Variants in FRMD3 observed in about 807,000 individuals in gnomAD.
FRMD3 encodes the protein FERM domain containing 3, also known as FERM domain-containing protein 3.
Under a neutral mutation model 70.2 loss-of-function variants are expected in FRMD3, and 33 were observed. The ratio of observed to expected loss-of-function variants is 0.47; its 90% CI spans 0.36 to 0.63. FRMD3 has a LOEUF of 0.63. FRMD3 is among the 20% of genes least tolerant of loss of function. FRMD3 has a pLI of 0.00. For synonymous variants in FRMD3, 279 were observed against 255.9 expected, an observed-to-expected ratio of 1.09 and a Z score of -0.86; for missense variants, 632 against 711.4, an observed-to-expected ratio of 0.89 and a Z score of 1.27.
rs112512395 is a variant in FRMD3 at position 83,307,830 on chromosome 9, A to AT, written c.926+1705dup. Among the ~76,000 whole-genome samples, 6 of 152,280 alleles carry AT rather than the reference A, an allele frequency of 3.9e-5. No individual in the cohort carries two copies. The East Asian group carries it at 5.8e-4, about 15-fold the overall frequency. ...TGTAAATTAGATTTCCATTTAAAAA[A>AT]TTTTTTTTAAAACAAAATAAAAAAT... On this transcript the variant is annotated intron_variant, in intron 10 of 13. Coordinates refer to ENST00000304195, the MANE Select transcript of FRMD3 (RefSeq NM_174938.6).
chr9:83,528,225 A>C (rs1352144191), intron 1 of FRMD3, among the ~76,000 whole-genome samples: 1 of 152,176 alleles, frequency 6.6e-6, no homozygotes, highest in Admixed American at 6.5e-5. Flanking sequence ...GAGCAAGTGA[A>C]ATTAGAAAAT....
At chr9:83,274,360 G>A (rs928754531) in intron 13 of FRMD3, among the ~76,000 whole-genome samples, 11 of 148,502 alleles carry the variant, frequency 7.4e-5, no homozygotes, top group Non-Finnish European at 1.5e-4. Context: ...GCACCACTTA[G>A]GCCAGACATT....
the FRMD3 span, among the ~76,000 whole-genome samples, chr9:83,561,459 G>A: frequency 5.3e-5 from 8 of 152,198 alleles, no homozygotes; most frequent in Non-Finnish European, 2.9e-5. Flanking sequence ...AAATGAAAGT[G>A]TATTGGTCAG....
intron 1 of FRMD3, among the ~76,000 whole-genome samples, chr9:83,471,457 A>G (rs1445759245): frequency 6.6e-6 from 1 of 152,136 alleles, no homozygotes; most frequent in Non-Finnish European, 1.5e-5. Flanking sequence ...TATCATTCAC[A>G]AGGGAAGGGC....
chr9:83,585,761 G>C, the FRMD3 span, among the ~76,000 whole-genome samples: 1 of 152,122 alleles, frequency 6.6e-6, no homozygotes, highest in Non-Finnish European at 1.5e-5. Flanking sequence ...CTAAGCTATT[G>C]TTATTTTTTG....
At chr9:83,372,844 G>T in intron 3 of FRMD3, 69 bp downstream of exon 3, 1 of 1,388,070 alleles carries the variant, frequency 7.2e-7, no homozygotes, top group Non-Finnish European at 1.0e-6. Flanking sequence ...GCAGGAGAAA[G>T]TTTGTCAGGG....
intron 13 of FRMD3, among the ~76,000 whole-genome samples, chr9:83,265,271 G>T (rs933932593): frequency 1.3e-5 from 2 of 151,904 alleles, no homozygotes; most frequent in South Asian, 2.1e-4. Flanking sequence ...GTGGTGGCAG[G>T]CGCCTGTAAT....
chr9:83,409,227 A>G (rs1826211559), intron 1 of FRMD3, among the ~76,000 whole-genome samples: 1 of 152,176 alleles, frequency 6.6e-6, no homozygotes, highest in Admixed American at 6.5e-5. Flanking sequence ...CAAACTCAGG[A>G]CAAGAAGGAA....
intron 1 of FRMD3, among the ~76,000 whole-genome samples, chr9:83,455,538 A>C (rs77956676): frequency 6.6e-6 from 1 of 152,166 alleles, no homozygotes; most frequent in African/African-American, 2.4e-5. Context: ...TGCCTCCCGC[A>C]ATGATTCTGA....
intron 5 of FRMD3, among the ~76,000 whole-genome samples, chr9:83,338,613 G>A (rs986605846): frequency 6.6e-6 from 1 of 152,124 alleles, no homozygotes; most frequent in Non-Finnish European, 1.5e-5. Flanking sequence ...CTGAGCGTAA[G>A]AAGGAGGGAA....
chr9:83,385,910 C>T (rs79203970), intron 2 of FRMD3, among the ~76,000 whole-genome samples: 3,285 of 152,172 alleles, frequency 0.022, 57 homozygotes, highest in Middle Eastern at 0.031. Context: ...TTCTTATAAA[C>T]ATTTCTAGGT....
intron 13 of FRMD3, chr9:83,276,458 G>A (rs1011127689): frequency 3.3e-5 from 5 of 152,192 alleles, no homozygotes; most frequent in African/African-American, 1.2e-4. Flanking sequence ...CTTTGCAGAT[G>A]GTATTAAGAA....
At chr9:83,580,947 G>A in the FRMD3 span, among the ~76,000 whole-genome samples, 1 of 151,844 alleles carries the variant, frequency 6.6e-6, no homozygotes, top group African/African-American at 2.4e-5. Flanking sequence ...AGAAAACAAA[G>A]CATAATGGAA....
chr9:83,357,245 ACATATATATATATATATATATAT>A (rs1824404930), intron 3 of FRMD3, among the ~76,000 whole-genome samples: 22 of 6,496 alleles, frequency 3.4e-3, no homozygotes, highest in East Asian at 0.026. Context: ...TATAATACAT[ACATATATATATATATATATATAT>A]ATATATATAT....
At chr9:83,459,308 T>C (rs1032515762) in intron 1 of FRMD3, among the ~76,000 whole-genome samples, 1 of 152,176 alleles carries the variant, frequency 6.6e-6, no homozygotes, top group Non-Finnish European at 1.5e-5. Flanking sequence ...TCCAACTTCC[T>C]AGCCCGGCCT....
the FRMD3 span, among the ~76,000 whole-genome samples, chr9:83,557,192 GTCT>G: frequency 1.3e-5 from 2 of 152,178 alleles, no homozygotes; most frequent in Non-Finnish European, 2.9e-5. Flanking sequence ...CTGCTGATAA[GTCT>G]TCTCTTCCAA....
At chr9:83,422,031 C>A (rs1374134227) in intron 1 of FRMD3, among the ~76,000 whole-genome samples, 1 of 152,134 alleles carries the variant, frequency 6.6e-6, no homozygotes. Context: ...TCAAGACCAG[C>A]CTGGCCAACG....
At chr9:83,260,234 T>C (rs1323785) in intron 13 of FRMD3, among the ~76,000 whole-genome samples, 24,031 of 152,152 alleles carry the variant, frequency 0.16, 1,970 homozygotes, top group African/African-American at 0.19. Context: ...TATATGAGCA[T>C]GTGATATTCA....
intron 1 of FRMD3, among the ~76,000 whole-genome samples, chr9:83,436,435 T>C (rs1490310952): frequency 1.3e-5 from 2 of 150,020 alleles, no homozygotes; most frequent in Non-Finnish European, 3.0e-5. Context: ...ACATTTTTCC[T>C]TTGCCAAATT....
Sources: gnomAD v4.1 joint callset for allele counts (sites outside exome capture counted in the v4.1 genomes callset) on GRCh38, gnomAD v4.1.1 for gene constraint, MANE v1.5 for transcripts, NCBI Gene and HGNC (gene_info 2026-07-23, HGNC 2026-07-21) for gene names.